Variants in RSPO1 observed in about 807,000 individuals in gnomAD.
RSPO1 encodes R-spondin 1, also known as R-spondin-1.
Under a neutral mutation model 26.0 loss-of-function variants are expected in RSPO1, and 18 were observed. The ratio of observed to expected loss-of-function variants is 0.69; its 90% CI spans 0.48 to 1.03. The LOEUF (loss-of-function observed/expected upper bound fraction) is 1.03, where lower values mean the gene tolerates loss of function less well. RSPO1 is among the 50% of genes least tolerant of loss of function. The pLI is 0.00. For missense variants in RSPO1, 309 were observed against 352.3 expected (o/e 0.88, Z 0.98); for synonymous variants, 133 against 137.4 (o/e 0.97, Z 0.22).
intron 3 of RSPO1, among the ~76,000 whole-genome samples, chr1:37,624,320 G>T (rs1210948123): frequency 6.6e-6 from 1 of 152,190 alleles, no homozygotes; most frequent in Non-Finnish European, 1.5e-5. Flanking sequence ...TGTTATGGGG[G>T]GTGTGCAGGG....
intron 2 of RSPO1, 88 bp downstream of exon 2, chr1:37,632,199 C>T (rs2148188046): frequency 6.6e-6 from 1 of 152,324 alleles, no homozygotes; most frequent in Admixed American, 6.5e-5. Context: ...AATGTTAGCT[C>T]CCTTCTTTTT....
intron 3 of RSPO1, among the ~76,000 whole-genome samples, chr1:37,624,507 G>C (rs974996177): frequency 2.2e-5 from 3 of 136,244 alleles, no homozygotes; most frequent in Non-Finnish European, 4.6e-5. Flanking sequence ...CAAGCACCCT[G>C]CTCTCCAGCC....
chr1:37,628,475 G>A (rs1393387471), intron 3 of RSPO1, among the ~76,000 whole-genome samples: 2 of 152,312 alleles, frequency 1.3e-5, no homozygotes, highest in East Asian at 1.9e-4. Context: ...GGGGGCCTCC[G>A]TCTGCAGGGA....
At position 37,614,280 on chromosome 1, in the gene RSPO1, A is replaced by G; in HGVS notation, c.340T>C (p.Cys114Arg). The change falls in exon 5 of 7, where the codon TGT becomes CGT. Residue 114 changes from cysteine to arginine, a missense_variant. Cys to Arg is a radical substitution (Grantham distance 180). Coordinates refer to ENST00000356545, the MANE Select transcript of RSPO1 (RefSeq NM_001242908.2). ...ACFSHNFCTK[C>R]KEGLYLHKGR... ...TTGTGCAGGTACAAGCCCTCCTTAC[A>G]CTTGGTGCAGAAGTTATGGCTGAAG... 1 of 1,613,742 alleles carries G rather than the reference A, an allele frequency of 6.2e-7. No individual in the cohort carries two copies. The highest frequency in any genetic ancestry group is 1.1e-5 in the South Asian group (1 of 91,064).
chr1:37,620,082 A>G (rs1644177529), intron 3 of RSPO1, among the ~76,000 whole-genome samples: 1 of 152,230 alleles, frequency 6.6e-6, no homozygotes, highest in South Asian at 2.1e-4. Flanking sequence ...AGGGAATGGA[A>G]AGGTAAATTA....
chr1:37,622,637 T>C (rs138398668), intron 3 of RSPO1, among the ~76,000 whole-genome samples: 171 of 152,264 alleles, frequency 1.1e-3, no homozygotes, highest in Middle Eastern at 3.4e-3. Context: ...AGAAGGATCC[T>C]TGGATAGCTG....
In RSPO1 at chr1:37,613,037, G is replaced by T; in HGVS notation, c.626-116C>A. ...AGCCGGAAGGGGAGGCAGGGAGGAGGCTGGAGATGCTGCCTCTAGGTAGTT... is the reference window on the plus strand; with the variant it reads ...AGCCGGAAGGGGAGGCAGGGAGGAGTCTGGAGATGCTGCCTCTAGGTAGTT... On this transcript the variant is annotated intron_variant, in intron 6 of 6. Coordinates refer to ENST00000356545, the MANE Select transcript of RSPO1 (RefSeq NM_001242908.2). The surrounding 1 kb of genome is among the most constrained non-coding windows in gnomAD (Gnocchi z 4.5). The T allele has an allele frequency of 1.8e-6, 2 of 1,110,748 alleles. No homozygotes were observed. Among genetic ancestry groups the T allele is most frequent in the Non-Finnish European group, 2.7e-6 (2 of 749,548 alleles). The allele number at this position is 1,110,748 out of a possible 1,614,324, so 68.8% of individuals were successfully genotyped here. A position where few individuals can be genotyped will look rare whatever the true frequency, so the allele number is the denominator to read the frequency against.
chr1:37,629,538 A>G, intron 3 of RSPO1, 30 bp downstream of exon 3: 1 of 1,603,720 alleles, frequency 6.2e-7, no homozygotes, highest in Non-Finnish European at 8.5e-7. Context: ...TCCCAAGGCC[A>G]GCTGTGGCCC....
At chr1:37,628,975 C>T (rs1644317906) in intron 3 of RSPO1, among the ~76,000 whole-genome samples, 1 of 152,212 alleles carries the variant, frequency 6.6e-6, no homozygotes, top group Admixed American at 6.5e-5. Context: ...TCGGGCCAGA[C>T]CCCTGCCTGC....
At chr1:37,627,151 G>A (rs928051975) in intron 3 of RSPO1, among the ~76,000 whole-genome samples, 7 of 151,976 alleles carry the variant, frequency 4.6e-5, no homozygotes, top group African/African-American at 1.5e-4. Context: ...CCCTGCAGCC[G>A]AGGACTGTCA....
At chr1:37,620,653 T>TAAC (rs1396113123) in intron 3 of RSPO1, among the ~76,000 whole-genome samples, 3 of 147,368 alleles carry the variant, frequency 2.0e-5, no homozygotes, top group Non-Finnish European at 3.0e-5. Flanking sequence ...ATAATAATAA[T>TAAC]AATAATATAT....
chr1:37,614,795 T>C (rs114981299), intron 4 of RSPO1, among the ~76,000 whole-genome samples: 2,352 of 152,320 alleles, frequency 0.015, 63 homozygotes, highest in African/African-American at 0.054. Flanking sequence ...TCTTCCCTCA[T>C]TGCTGGGCAT....
At chr1:37,624,104 G>A (rs898218108) in intron 3 of RSPO1, among the ~76,000 whole-genome samples, 1 of 152,062 alleles carries the variant, frequency 6.6e-6, no homozygotes, top group African/African-American at 2.4e-5. Context: ...CAATGGAAGG[G>A]CATCGTTGGG....
chr1:37,634,119 G>A lies in RSPO1; in HGVS notation c.-356+447C>T, dbSNP rs1174801703. 2.0e-5 allele frequency among the ~76,000 whole-genome samples: 3 copies of A among 152,192 alleles called. No individual in the cohort carries two copies. Among genetic ancestry groups the A allele is most frequent in the Non-Finnish European group, 4.4e-5 (3 of 68,038 alleles). On this transcript the variant is annotated intron_variant, in intron 1 of 6. Coordinates refer to ENST00000356545, the MANE Select transcript of RSPO1 (RefSeq NM_001242908.2). The surrounding 1 kb of genome is among the most constrained non-coding windows in gnomAD (Gnocchi z 4.7). ...TTCGCTGCGCACCGGGGGCCGCAGC[G>A]CATGCCGCCTGCCACGTCGAACCCA...
chr1:37,633,246 A>G (rs1005841092), intron 1 of RSPO1, among the ~76,000 whole-genome samples: 2 of 152,218 alleles, frequency 1.3e-5, no homozygotes, highest in African/African-American at 4.8e-5. Flanking sequence ...GCTACCCAGG[A>G]CTGGGTGTGG....
chr1:37,623,317 A>G (rs1644230363), intron 3 of RSPO1, among the ~76,000 whole-genome samples: 1 of 152,152 alleles, frequency 6.6e-6, no homozygotes, highest in Non-Finnish European at 1.5e-5. Flanking sequence ...GGGGAAATGC[A>G]TAATGATTCA....
intron 3 of RSPO1, among the ~76,000 whole-genome samples, chr1:37,627,767 C>A (rs1056699336): frequency 1.3e-5 from 2 of 152,226 alleles, no homozygotes; most frequent in Non-Finnish European, 2.9e-5. Flanking sequence ...TTCCTGATTG[C>A]GATGACTATG....
chr1:37,613,669 GC>G lies in RSPO1; in HGVS notation c.625+34del, dbSNP rs769301244. ...AGGACCTGTCATGGCTGGTGCCTGA[GC>G]CCTGACCCCAGGGAGGCAGAGGCTG... On this transcript the variant is annotated intron_variant, in intron 6 of 6. Coordinates refer to ENST00000356545, the MANE Select transcript of RSPO1 (RefSeq NM_001242908.2). This position sits in a 1 kb window ranked among gnomAD's most constrained non-coding sequence, Gnocchi z 4.5. The G allele has an allele frequency of 6.3e-7, 1 of 1,577,926 alleles. No homozygotes were observed. The highest frequency in any genetic ancestry group is 8.7e-7 in the Non-Finnish European group (1 of 1,152,942).
chr1:37,632,859 CTGA>C (rs2148188995), intron 1 of RSPO1, among the ~76,000 whole-genome samples: 1 of 152,340 alleles, frequency 6.6e-6, no homozygotes, highest in Admixed American at 6.5e-5. Flanking sequence ...GAGATATGAG[CTGA>C]TGACTCCCTT....
Sources: allele counts gnomAD v4.1 joint callset (sites outside exome capture counted in the v4.1 genomes callset), GRCh38; gene constraint gnomAD v4.1.1; non-coding constraint Gnocchi (gnomAD v3.1); transcripts MANE v1.5; gene names NCBI Gene and HGNC (gene_info 2026-07-23, HGNC 2026-07-21).